The following CSGALNACT1 variants were observed in gnomAD, a reference collection of about 807,000 sequenced individuals.
The protein encoded by CSGALNACT1 is chondroitin sulfate N-acetylgalactosaminyltransferase 1, also known as beta4GalNAcT-1.
A neutral mutation model predicts 51.0 loss-of-function variants in CSGALNACT1; 52 were observed. The ratio of observed to expected loss-of-function variants is 1.02; its 90% CI spans 0.82 to 1.29. The LOEUF (loss-of-function observed/expected upper bound fraction) is 1.29, where lower values mean the gene tolerates loss of function less well. Among genes scored for constraint, CSGALNACT1 ranks in the 50% most tolerant of loss-of-function variants. The pLI, the probability that CSGALNACT1 is intolerant of heterozygous loss-of-function variation, is 0.00. For missense variants in CSGALNACT1, 935 were observed against 679.2 expected, an observed-to-expected ratio of 1.38 and a Z score of -4.19; for synonymous variants, 341 against 254.4, an observed-to-expected ratio of 1.34 and a Z score of -3.24.
chr8:19,715,836 T>C (rs1362308275), intron 1 of CSGALNACT1, among the ~76,000 whole-genome samples: 1 of 152,156 alleles, frequency 6.6e-6, no homozygotes, highest in Admixed American at 6.5e-5. Flanking sequence ...CTCAGTGACC[T>C]GCCAGCCTCA....
intron 3 of CSGALNACT1, among the ~76,000 whole-genome samples, chr8:19,513,905 T>A (rs573171687): frequency 6.6e-6 from 1 of 152,192 alleles, no homozygotes; most frequent in South Asian, 2.1e-4. Flanking sequence ...ATGTTACACA[T>A]CACATAACTA....
chr8:19,665,486 C>T (rs1225886673), intron 1 of CSGALNACT1, among the ~76,000 whole-genome samples: 3 of 152,156 alleles, frequency 2.0e-5, no homozygotes, highest in South Asian at 2.1e-4. Context: ...ACTCAGGCTG[C>T]GGGTAAACAT....
chr8:19,476,159 T>C (rs1447133169), intron 4 of CSGALNACT1, among the ~76,000 whole-genome samples: 2 of 152,218 alleles, frequency 1.3e-5, no homozygotes, highest in Non-Finnish European at 2.9e-5. Flanking sequence ...TTTCAGATGA[T>C]AGTTTAAGAA....
intron 4 of CSGALNACT1, among the ~76,000 whole-genome samples, chr8:19,503,875 G>C (rs1471748976): frequency 6.6e-6 from 1 of 150,994 alleles, no homozygotes; most frequent in African/African-American, 2.4e-5. Context: ...CACTAAAATT[G>C]CATCAACTTA....
At chr8:19,549,900 T>C (rs1323817576) in intron 3 of CSGALNACT1, among the ~76,000 whole-genome samples, 1 of 152,114 alleles carries the variant, frequency 6.6e-6, no homozygotes, top group African/African-American at 2.4e-5. Context: ...AGAAGTCAGA[T>C]GCTGGAATGT....
chr8:19,545,085 CACAG>C (rs1338569080), intron 3 of CSGALNACT1, among the ~76,000 whole-genome samples: 2 of 151,974 alleles, frequency 1.3e-5, no homozygotes, highest in Non-Finnish European at 2.9e-5. Flanking sequence ...TGTTCTGAAG[CACAG>C]TGAAGTCACT....
At chr8:19,477,343 C>A (rs1300278108) in intron 4 of CSGALNACT1, among the ~76,000 whole-genome samples, 1 of 152,112 alleles carries the variant, frequency 6.6e-6, no homozygotes. Flanking sequence ...AACACGTGGA[C>A]AAATGGGTGG....
chr8:19,700,826 A>G (rs1038494501), intron 1 of CSGALNACT1, among the ~76,000 whole-genome samples: 2 of 152,232 alleles, frequency 1.3e-5, no homozygotes, highest in African/African-American at 4.8e-5. Context: ...GTGTGGCAGT[A>G]GCCCCTAGTT....
chr8:19,724,483 C>G (rs2154241554), intron 1 of CSGALNACT1, among the ~76,000 whole-genome samples: 1 of 152,346 alleles, frequency 6.6e-6, no homozygotes, highest in African/African-American at 2.4e-5. Flanking sequence ...ACCTCTCTTT[C>G]TCTGATTCTT....
chr8:19,602,713 G>A (rs746061862), upstream of CSGALNACT1: 5 of 152,208 alleles, frequency 3.3e-5, no homozygotes, highest in Admixed American at 2.6e-4. Flanking sequence ...TTCCTTTTAG[G>A]AATATCAATG....
chr8:19,427,150 T>C (rs1436819728), intron 6 of CSGALNACT1, among the ~76,000 whole-genome samples: 1 of 152,210 alleles, frequency 6.6e-6, no homozygotes, highest in Admixed American at 6.5e-5. Flanking sequence ...AAGCCTGTTT[T>C]AGCAAGTTTC....
At chr8:19,503,216 T>G (rs981757694) in intron 4 of CSGALNACT1, among the ~76,000 whole-genome samples, 2 of 152,232 alleles carry the variant, frequency 1.3e-5, no homozygotes, top group Non-Finnish European at 2.9e-5. Context: ...GACTAGACTT[T>G]CACCAAATAT....
At chr8:19,741,934 A>T (rs1036888534) in intron 1 of CSGALNACT1, among the ~76,000 whole-genome samples, 1 of 152,206 alleles carries the variant, frequency 6.6e-6, no homozygotes, top group Admixed American at 6.5e-5. Context: ...AAAAAGCAAC[A>T]GACTGCCAAG....
At chr8:19,415,501 C>A (rs10102696) in intron 8 of CSGALNACT1, among the ~76,000 whole-genome samples, 61,671 of 151,986 alleles carry the variant, frequency 0.41, 13,159 homozygotes, top group African/African-American at 0.53. Flanking sequence ...CCTGTGGCAA[C>A]AATGGACACA....
At chr8:19,437,796 T>C (rs1239180817) in intron 6 of CSGALNACT1, among the ~76,000 whole-genome samples, 2 of 152,138 alleles carry the variant, frequency 1.3e-5, no homozygotes, top group Non-Finnish European at 2.9e-5. Flanking sequence ...TAGCATGAAG[T>C]GAATTGGGTA....
intron 1 of CSGALNACT1, among the ~76,000 whole-genome samples, chr8:19,717,074 T>A (rs1414486603): frequency 2.6e-5 from 4 of 152,202 alleles, no homozygotes; most frequent in African/African-American, 9.6e-5. Flanking sequence ...CTGTGAAAAC[T>A]AAATGAGATA....
At position 19,609,267 on chromosome 8, in the gene CSGALNACT1, G is replaced by A. The variant is rs149759284; in HGVS notation, c.-543-7402C>T. 4.8e-3 allele frequency among the ~76,000 whole-genome samples: 720 copies of A among 149,790 alleles called. 5 individuals are homozygous for A. Among genetic ancestry groups the A allele is most frequent in the African/African-American group, 0.016 (663 of 40,520 alleles). On this transcript the variant is annotated intron_variant, in intron 1 of 9. Coordinates refer to the CSGALNACT1 transcript ENST00000332246. ...ATATATAGTAATATTGCTTATAGAT[G>A]TCATTTAAAAAGATTTATGCATACA... is the stretch of plus-strand genomic sequence containing the variant.
intron 3 of CSGALNACT1, among the ~76,000 whole-genome samples, chr8:19,560,191 CA>C (rs1391912473): frequency 6.6e-6 from 1 of 152,156 alleles, no homozygotes; most frequent in East Asian, 1.9e-4. Context: ...CTAGAGTATC[CA>C]AATAAAAAAA....
intron 1 of CSGALNACT1, among the ~76,000 whole-genome samples, chr8:19,716,448 G>A (rs891020478): frequency 6.6e-6 from 1 of 151,264 alleles, no homozygotes. Context: ...TTTCTTCTTT[G>A]ATAATACAGT....
Sources: gnomAD v4.1 joint callset for allele counts (sites outside exome capture counted in the v4.1 genomes callset) on GRCh38, gnomAD v4.1.1 for gene constraint, MANE v1.5 for transcripts, NCBI Gene and HGNC (gene_info 2026-07-23, HGNC 2026-07-21) for gene names.